NDRG2: variants seen among roughly 807,000 people sequenced by gnomAD.
The protein encoded by NDRG2 is protein NDRG2.
Under a neutral mutation model 58.2 loss-of-function variants are expected in NDRG2, and 34 were observed. The observed-to-expected ratio is 0.58, with a 90% CI of 0.44 to 0.78. NDRG2 has a LOEUF of 0.78. NDRG2 is among the 30% of genes least tolerant of loss of function. NDRG2 has a pLI of 0.00. For missense variants in NDRG2, 434 were observed against 471.2 expected (o/e 0.92, Z 0.73); for synonymous variants, 187 against 175.9 (o/e 1.06, Z -0.50).
chr14:21,058,153 A>G (rs142176719), intron 1 of NDRG2: 52 of 1,614,060 alleles, frequency 3.2e-5, no homozygotes, highest in Non-Finnish European at 4.2e-5. Context: ...CCCCCAACAT[A>G]GCCTGCAAGA....
At chr14:21,064,948 A>C (rs547291390) in intron 1 of NDRG2, among the ~76,000 whole-genome samples, 1 of 152,322 alleles carries the variant, frequency 6.6e-6, no homozygotes, top group East Asian at 1.9e-4. Flanking sequence ...AGGCAGGCAG[A>C]TCACCTGAGA....
intron 10 of NDRG2, 91 bp from the exon 11 acceptor site, chr14:21,019,251 T>C (rs933893959): frequency 1.6e-6 from 2 of 1,274,784 alleles, no homozygotes; most frequent in Non-Finnish European, 2.2e-6. Context: ...ACTATCTTTG[T>C]CTAAAAATTA....
chr14:21,055,559 A>C (rs1166128122), intron 1 of NDRG2, among the ~76,000 whole-genome samples: 1 of 152,190 alleles, frequency 6.6e-6, no homozygotes, highest in East Asian at 1.9e-4. Flanking sequence ...AAGGAACCCC[A>C]TTCCCAGGCC....
chr14:21,042,983 C>T (rs1237204924), intron 1 of NDRG2: 2 of 1,609,366 alleles, frequency 1.2e-6, no homozygotes, highest in Admixed American at 1.7e-5. Context: ...GACTGCTCCT[C>T]CTAAGAGAGA....
intron 10 of NDRG2, 106 bp downstream of exon 10, chr14:21,019,533 C>T: frequency 5.4e-6 from 4 of 737,526 alleles, no homozygotes; most frequent in Non-Finnish European, 9.2e-6. Context: ...ATTCCTTGCA[C>T]ATTGCACACT....
intron 1 of NDRG2, chr14:21,033,866 C>T (rs1014604778): frequency 2.5e-6 from 4 of 1,614,116 alleles, no homozygotes; most frequent in Non-Finnish European, 2.5e-6. Context: ...CAGCTTCATA[C>T]TTGCGGGAGC....
intron 1 of NDRG2, among the ~76,000 whole-genome samples, chr14:21,050,201 C>T (rs1885402968): frequency 6.6e-6 from 1 of 152,204 alleles, no homozygotes; most frequent in Admixed American, 6.5e-5. Flanking sequence ...TGACACGTTG[C>T]ATTTCTGACC....
rs1380102656 is a variant in NDRG2, at chr14:21,017,117, CT to C, written c.*478del. On this transcript the variant is annotated 3_prime_UTR_variant, in exon 16 of 16. Coordinates refer to ENST00000556147, the MANE Select transcript of NDRG2 (RefSeq NM_001320329.2). ...CACTAACCCACCAGCAAGTCTCCCCCTGACACACATTCACGTAGGTCCATAC... is the reference window on the plus strand; with the variant it reads ...CACTAACCCACCAGCAAGTCTCCCCCGACACACATTCACGTAGGTCCATAC... 2.4e-5 allele frequency: 10 copies of C among 423,294 alleles called. No individual in the cohort carries two copies. Among genetic ancestry groups the C allele is most frequent in the Admixed American group, 1.7e-4 (7 of 41,374 alleles). 26.2% of individuals were successfully genotyped at this position (423,294 alleles called of 1,614,324 possible). A position where few individuals can be genotyped will look rare whatever the true frequency, so the allele number is the denominator to read the frequency against.
At chr14:21,048,081 T>C (rs1885282679) in intron 1 of NDRG2, among the ~76,000 whole-genome samples, 1 of 152,022 alleles carries the variant, frequency 6.6e-6, no homozygotes, top group African/African-American at 2.4e-5. Context: ...CAGGGGGCCT[T>C]CTCTTCTCCT....
rs553060433 is a variant in NDRG2, at chr14:21,024,706, T to A, written c.-683A>T. On this transcript the variant is annotated 5_prime_UTR_variant, in exon 1 of 16. Coordinates refer to ENST00000556147, the MANE Select transcript of NDRG2 (RefSeq NM_001320329.2). ...GAAGGCAAGCGCCATCGGGAAGGGA[T>A]GGGTAGGACAGAGGAGACCGGCCGG... The A allele has an allele frequency of 1.0e-6, 1 of 985,302 alleles. No homozygotes were observed. The highest frequency in any genetic ancestry group is 1.7e-5 in the African/African-American group (1 of 57,318). The allele number at this position is 985,302 out of a possible 1,614,324, so 61.0% of individuals were successfully genotyped here.
chr14:21,056,840 G>T (rs1049790381), intron 1 of NDRG2, among the ~76,000 whole-genome samples: 13 of 152,164 alleles, frequency 8.5e-5, no homozygotes, highest in Non-Finnish European at 1.9e-4. Context: ...TAAAATGAGG[G>T]AGTCAACTGA....
At chr14:21,067,631 CTGTT>C (rs1049013216) in intron 1 of NDRG2, among the ~76,000 whole-genome samples, 3 of 152,160 alleles carry the variant, frequency 2.0e-5, no homozygotes, top group Non-Finnish European at 4.4e-5. Context: ...ATGGTAAGAA[CTGTT>C]TGTGAATGAG....
upstream of NDRG2, among the ~76,000 whole-genome samples, chr14:21,026,650 T>TA (rs2139057792): frequency 6.6e-6 from 1 of 152,032 alleles, no homozygotes; most frequent in Non-Finnish European, 1.5e-5. Context: ...CTGGTCGGGC[T>TA]AAAACCCAGC....
intron 1 of NDRG2, among the ~76,000 whole-genome samples, chr14:21,053,876 G>A (rs1885570473): frequency 6.6e-6 from 1 of 152,162 alleles, no homozygotes; most frequent in Non-Finnish European, 1.5e-5. Flanking sequence ...GTGCCTTCCT[G>A]CTTTGATATT....
Position 21,017,777 on chromosome 14 carries a change from C to T in NDRG2, c.950-15G>A, listed in dbSNP as rs753865924. On this transcript the variant is annotated splice_polypyrimidine_tract_variant and intron_variant, in intron 15 of 15. Coordinates refer to ENST00000556147, the MANE Select transcript of NDRG2 (RefSeq NM_001320329.2). ...GGATGAGGCCACTGTGGAGACAGCA[C>T]GATGCACAAGCAGTCAGAGAGGAAG... 11 of 1,602,136 alleles carry T rather than the reference C, an allele frequency of 6.9e-6. No homozygotes were observed. Among genetic ancestry groups the T allele is most frequent in the East Asian group, 4.5e-5 (2 of 44,376 alleles).
rs538377398 is a variant in NDRG2 at position 21,032,390 on chromosome 14, T to C, written c.25-9069A>G. The C allele has an allele frequency of 6.7e-4, 317 of 474,052 alleles. 1 individual carries two copies. Among genetic ancestry groups the C allele is most frequent in the African/African-American group, 4.4e-3 (225 of 51,346 alleles). 29.4% of individuals were successfully genotyped at this position (474,052 alleles called of 1,614,324 possible). A position where few individuals can be genotyped will look rare whatever the true frequency, so the allele number is the denominator to read the frequency against. On this transcript the variant is annotated intron_variant, in intron 1 of 14. Transcript: ENST00000403829. Reference sequence around the variant, plus strand: ...TGAACCAGATGTGGAGGTAAAAGTATCTACTACTTGTGTTCACACATTACT... The same window carrying C: ...TGAACCAGATGTGGAGGTAAAAGTACCTACTACTTGTGTTCACACATTACT...
At chr14:21,021,759 A>C in intron 6 of NDRG2, 58 bp downstream of exon 6, 1 of 1,561,338 alleles carries the variant, frequency 6.4e-7, no homozygotes, top group Non-Finnish European at 8.7e-7. Flanking sequence ...GGAAGTTCTA[A>C]GGGTCTCCTT....
chr14:21,057,952 G>A, intron 1 of NDRG2: 1 of 1,614,040 alleles, frequency 6.2e-7, no homozygotes, highest in African/African-American at 1.3e-5. Context: ...GGCTGTGGGT[G>A]GCAGAGGTCC....
intron 1 of NDRG2, among the ~76,000 whole-genome samples, chr14:21,035,148 T>A (rs1169397728): frequency 6.6e-6 from 1 of 152,154 alleles, no homozygotes; most frequent in Admixed American, 6.5e-5. Flanking sequence ...GGGCTGAGAA[T>A]CAAAGACCTC....
Sources: gnomAD v4.1 joint callset for allele counts (sites outside exome capture counted in the v4.1 genomes callset) on GRCh38, gnomAD v4.1.1 for gene constraint, MANE v1.5 for transcripts, NCBI Gene and HGNC (gene_info 2026-07-23, HGNC 2026-07-21) for gene names.